COLGALT2: variants seen among roughly 807,000 people sequenced by gnomAD.
COLGALT2 encodes collagen beta(1-O)galactosyltransferase 2.
Under a neutral mutation model 73.4 loss-of-function variants are expected in COLGALT2, and 49 were observed. That is an observed-to-expected ratio of 0.67 (90% CI 0.53 to 0.85). The LOEUF is 0.85. COLGALT2 is among the 40% of genes least tolerant of loss of function. The pLI is 0.00. For synonymous variants in COLGALT2, 295 were observed against 307.6 expected (o/e 0.96, Z 0.43); for missense variants, 722 against 790.2 (o/e 0.91, Z 1.03).
chr1:183,933,778 G>C (rs1027215360), downstream of COLGALT2, among the ~76,000 whole-genome samples: 1 of 152,194 alleles, frequency 6.6e-6, no homozygotes, highest in Non-Finnish European at 1.5e-5. Context: ...GTGGGCCCTA[G>C]GATTGCTCAG....
At chr1:183,952,523 G>T (rs1572634396) in intron 7 of COLGALT2, among the ~76,000 whole-genome samples, 1 of 152,314 alleles carries the variant, frequency 6.6e-6, no homozygotes, top group East Asian at 1.9e-4. Context: ...CTGGAGTTCA[G>T]ATTGTACTGT....
intron 1 of COLGALT2, among the ~76,000 whole-genome samples, chr1:184,031,761 T>C (rs967342532): frequency 2.6e-5 from 4 of 152,208 alleles, no homozygotes; most frequent in Admixed American, 6.5e-5. Context: ...AGGGTTGTTG[T>C]CTGGAGTAAA....
chr1:183,989,197 T>C (rs977494604), intron 1 of COLGALT2, among the ~76,000 whole-genome samples: 1 of 152,220 alleles, frequency 6.6e-6, no homozygotes, highest in Admixed American at 6.5e-5. Context: ...GATGAGCAGA[T>C]GCAAGGGCCC....
intron 8 of COLGALT2, 69 bp from the exon 9 acceptor site, chr1:183,945,633 G>C (rs1670229731): frequency 1.9e-6 from 3 of 1,580,594 alleles, no homozygotes; most frequent in Admixed American, 1.7e-5. Flanking sequence ...CAGAGAAAGA[G>C]AGAGTTAGTT....
chr1:183,978,675 T>C (rs1671274063), intron 1 of COLGALT2, among the ~76,000 whole-genome samples, 155 bp from the exon 2 acceptor site: 1 of 152,154 alleles, frequency 6.6e-6, no homozygotes, highest in Admixed American at 6.5e-5. Context: ...AACTAGACAA[T>C]AAATTTCCAA....
chr1:183,963,736 C>T (rs1044841323), intron 6 of COLGALT2, among the ~76,000 whole-genome samples, 165 bp downstream of exon 6: 1 of 152,132 alleles, frequency 6.6e-6, no homozygotes, highest in Non-Finnish European at 1.5e-5. Context: ...ATTCATATTT[C>T]CCATAGGAAA....
intron 1 of COLGALT2, among the ~76,000 whole-genome samples, chr1:184,019,370 A>T (rs1225270046): frequency 6.6e-6 from 1 of 152,228 alleles, no homozygotes. Flanking sequence ...TTTATGCACG[A>T]AACATAGCTC....
At chr1:183,945,820 T>C (rs1400838999) in intron 8 of COLGALT2, 2 of 495,892 alleles carry the variant, frequency 4.0e-6, no homozygotes, top group Non-Finnish European at 7.1e-6. Flanking sequence ...ATCAGTTTTT[T>C]GACAAGATTT....
chr1:184,024,002 A>T (rs949226358), intron 1 of COLGALT2, among the ~76,000 whole-genome samples: 2 of 152,216 alleles, frequency 1.3e-5, no homozygotes, highest in South Asian at 2.1e-4. Flanking sequence ...TGAGACATGG[A>T]TAAGTCAAAA....
At chr1:184,035,969 C>T (rs1649661026) in intron 1 of COLGALT2, among the ~76,000 whole-genome samples, 2 of 152,340 alleles carry the variant, frequency 1.3e-5, no homozygotes, top group South Asian at 4.1e-4. Flanking sequence ...CTGAGGCTGC[C>T]AATTCTAGCT....
chr1:184,030,152 A>T (rs886909549), intron 1 of COLGALT2, among the ~76,000 whole-genome samples: 46 of 152,228 alleles, frequency 3.0e-4, no homozygotes, highest in African/African-American at 1.1e-3. Flanking sequence ...AAGTACTATT[A>T]AAAATCCATA....
intron 1 of COLGALT2, among the ~76,000 whole-genome samples, chr1:183,982,093 T>C (rs181539948): frequency 1.3e-5 from 2 of 152,316 alleles, no homozygotes; most frequent in East Asian, 3.9e-4. Flanking sequence ...TGAAATTAGA[T>C]GAGAACCAAC....
intron 6 of COLGALT2, among the ~76,000 whole-genome samples, chr1:183,963,213 T>C (rs1670764662): frequency 6.6e-6 from 1 of 152,204 alleles, no homozygotes; most frequent in Admixed American, 6.5e-5. Context: ...ACTTTGGAGA[T>C]AGCAAGATGG....
intron 1 of COLGALT2, among the ~76,000 whole-genome samples, chr1:183,999,448 G>C (rs1026494798): frequency 2.0e-5 from 3 of 152,050 alleles, no homozygotes; most frequent in Non-Finnish European, 4.4e-5. Context: ...TATGATTTTA[G>C]TATTACGTTA....
chr1:183,982,064 C>G (rs917714304), intron 1 of COLGALT2, among the ~76,000 whole-genome samples: 3 of 152,184 alleles, frequency 2.0e-5, no homozygotes, highest in African/African-American at 7.2e-5. Flanking sequence ...CCAACTTGAT[C>G]TACTTTCAAG....
At chr1:183,954,705 G>T in intron 7 of COLGALT2, 57 bp downstream of exon 7, 1 of 1,360,736 alleles carries the variant, frequency 7.3e-7, no homozygotes, top group Non-Finnish European at 1.0e-6. Context: ...GTTCCAAAAT[G>T]AACACACAAG....
At chr1:183,996,500 G>A (rs1671773290) in intron 1 of COLGALT2, among the ~76,000 whole-genome samples, 1 of 152,088 alleles carries the variant, frequency 6.6e-6, no homozygotes, top group African/African-American at 2.4e-5. Flanking sequence ...ACATTTTTTG[G>A]ACTCTGGAGC....
Position 183,984,684 on chromosome 1 carries a change from A to G in COLGALT2, c.264-6164T>C, listed in dbSNP as rs555450672. Among the ~76,000 whole-genome samples the G allele has an allele frequency of 4.6e-5, 7 of 152,314 alleles. No homozygotes were observed. The East Asian group carries it at 1.4e-3, about 29-fold the overall frequency. On this transcript the variant is annotated intron_variant, in intron 1 of 11. Coordinates refer to ENST00000361927, the MANE Select transcript of COLGALT2 (RefSeq NM_015101.4). ...GGGAGTGCTGGTAGAAACAGGTGCCACATCCACACTGGCCACCTCTTACCC... is the reference window on the plus strand; with the variant it reads ...GGGAGTGCTGGTAGAAACAGGTGCCGCATCCACACTGGCCACCTCTTACCC...
At chr1:183,978,543 T>C (rs764871917) in intron 1 of COLGALT2, 23 bp from the exon 2 acceptor site, 1 of 1,367,350 alleles carries the variant, frequency 7.3e-7, no homozygotes, top group Non-Finnish European at 1.0e-6. Flanking sequence ...AAGCACAATA[T>C]AGTTTAACTA....
Sources: allele counts gnomAD v4.1 joint callset (sites outside exome capture counted in the v4.1 genomes callset), GRCh38; gene constraint gnomAD v4.1.1; transcripts MANE v1.5; gene names NCBI Gene and HGNC (gene_info 2026-07-23, HGNC 2026-07-21).